The following LARGE1 variants were observed in gnomAD, a reference collection of about 807,000 sequenced individuals.
LARGE1 encodes the protein xylosyl- and glucuronyltransferase LARGE1.
A neutral mutation model predicts 87.6 loss-of-function variants in LARGE1; 43 were observed. The observed-to-expected ratio is 0.49, with a 90% CI of 0.38 to 0.63. The LOEUF (loss-of-function observed/expected upper bound fraction) is 0.63. Among genes scored for constraint, LARGE1 ranks in the 30% least tolerant of loss-of-function variants. The probability of loss-of-function intolerance (pLI) is 0.00; values close to 1 mark genes in which losing one functional copy is unlikely to be tolerated. For synonymous variants in LARGE1, 434 were observed against 394.6 expected (o/e 1.10, Z -1.18); for missense variants, 802 against 1,000.2 (o/e 0.80, Z 2.67).
chr22:33,302,475 G>A (rs1477168842), intron 12 of LARGE1, among the ~76,000 whole-genome samples: 8 of 152,170 alleles, frequency 5.3e-5, no homozygotes, highest in East Asian at 1.9e-4. Flanking sequence ...GGAAGGACAC[G>A]GACTCAGAAG....
intron 9 of LARGE1, among the ~76,000 whole-genome samples, chr22:33,356,678 G>A (rs1396043774): frequency 2.0e-5 from 3 of 152,192 alleles, no homozygotes; most frequent in African/African-American, 7.2e-5. Flanking sequence ...GCTGAGGCAG[G>A]AGAATTGCTT....
rs71187279 is a variant in LARGE1 at position 33,763,838 on chromosome 22, CTTTTTTTTTTTTTTTTT to C, written c.-82-2297_-82-2281del. Among the ~76,000 whole-genome samples the C allele has an allele frequency of 3.5e-4, 25 of 71,180 alleles. 1 individual carries two copies. Among genetic ancestry groups the C allele is most frequent in the African/African-American group, 1.0e-3 (17 of 16,676 alleles). The allele number at this position is 71,180 out of a possible 152,430, so 46.7% of individuals were successfully genotyped here. On this transcript the variant is annotated intron_variant, in intron 1 of 14. Transcript: ENST00000397394. Reference sequence around the variant, plus strand: ...CAGAAAAGCAGCCTTAATTAGTTTGCTTTTTTTTTTTTTTTTTTTTTTTTTTTTTTGAGACAGAGACT... The same window carrying C: ...CAGAAAAGCAGCCTTAATTAGTTTGCTTTTTTTTTTTTTGAGACAGAGACT...
chr22:33,104,417 G>A, the LARGE1 span, among the ~76,000 whole-genome samples: 1 of 152,206 alleles, frequency 6.6e-6, no homozygotes, highest in Non-Finnish European at 1.5e-5. Flanking sequence ...CTGCACTGAT[G>A]GTAAATGCTG....
intron 12 of LARGE1, among the ~76,000 whole-genome samples, chr22:33,291,263 G>A (rs770340770): frequency 2.0e-5 from 3 of 152,164 alleles, no homozygotes; most frequent in Non-Finnish European, 4.4e-5. Context: ...GTGAAGACCC[G>A]GGAGAAGAGA....
chr22:33,575,872 TC>T (rs2078337803), intron 5 of LARGE1, among the ~76,000 whole-genome samples: 1 of 152,200 alleles, frequency 6.6e-6, no homozygotes, highest in Admixed American at 6.5e-5. Flanking sequence ...GCAAGAAGCA[TC>T]CTCTATTTAG....
intron 1 of LARGE1, among the ~76,000 whole-genome samples, chr22:33,793,782 C>G (rs1421919070): frequency 2.2e-5 from 3 of 134,444 alleles, no homozygotes; most frequent in African/African-American, 8.0e-5. Context: ...GGCAAGCACC[C>G]CCCAACTTTT....
At chr22:33,104,889 C>CTCTCTCTCTTTCTT in the LARGE1 span, among the ~76,000 whole-genome samples, 11 of 89,146 alleles carry the variant, frequency 1.2e-4, no homozygotes, top group African/African-American at 3.7e-4. Context: ...GACTTTCTCT[C>CTCTCTCTCTTTCTT]TCTTTCTTTC....
chr22:33,605,883 C>T (rs1231008571), intron 4 of LARGE1, among the ~76,000 whole-genome samples: 1 of 152,054 alleles, frequency 6.6e-6, no homozygotes, highest in East Asian at 1.9e-4. Flanking sequence ...AGAGCAGCAG[C>T]CAATTCTGAC....
At chr22:33,905,025 A>C (rs1014879609) in intron 1 of LARGE1, among the ~76,000 whole-genome samples, 1 of 151,330 alleles carries the variant, frequency 6.6e-6, no homozygotes, top group East Asian at 1.9e-4. Flanking sequence ...CTGAGACAGA[A>C]TAGTACAGAG....
At chr22:33,348,289 C>CCCAA (rs1569081859) in intron 9 of LARGE1, among the ~76,000 whole-genome samples, 27 of 124,042 alleles carry the variant, frequency 2.2e-4, no homozygotes, top group East Asian at 2.7e-4. Flanking sequence ...CACCCCCCCC[C>CCCAA]AAAAAAAAAG....
chr22:33,863,918 G>A (rs1390978528), intron 1 of LARGE1, among the ~76,000 whole-genome samples: 1 of 152,210 alleles, frequency 6.6e-6, no homozygotes, highest in East Asian at 1.9e-4. Flanking sequence ...AGTTTCACTT[G>A]AAGGCAAAGT....
chr22:33,269,110 TATTTAA>T (rs1307484944), downstream of LARGE1, among the ~76,000 whole-genome samples: 1 of 152,120 alleles, frequency 6.6e-6, no homozygotes, highest in Non-Finnish European at 1.5e-5. Context: ...CACACTAAAG[TATTTAA>T]ATTTAAAGGG....
intron 6 of LARGE1, among the ~76,000 whole-genome samples, chr22:33,444,448 G>A (rs1196373825): frequency 6.6e-6 from 1 of 152,152 alleles, no homozygotes; most frequent in Non-Finnish European, 1.5e-5. Flanking sequence ...CTGGAGTGCA[G>A]TGGCATGATC....
intron 11 of LARGE1, among the ~76,000 whole-genome samples, chr22:33,239,987 G>A (rs922688869): frequency 6.6e-6 from 1 of 150,738 alleles, no homozygotes; most frequent in East Asian, 1.9e-4. Context: ...GTGAACATAT[G>A]TTTTCAGTTC....
Position 33,315,481 on chromosome 22 carries a change from C to A in LARGE1, c.1451+604G>T, listed in dbSNP as rs565146952. Among the ~76,000 whole-genome samples, 4 of 152,320 alleles carry A rather than the reference C, an allele frequency of 2.6e-5. 1 individual carries two copies. The South Asian group carries it at 8.3e-4, about 32-fold the overall frequency. On this transcript the variant is annotated intron_variant, in intron 11 of 14. Transcript: ENST00000397394. ...ATTGTAGCTCCAGTCTCCCCACTGT[C>A]CCTCTTCCTGAGGTAATTCGAGTCG...
chr22:33,305,844 C>CTTTTTTTTTT (rs111657762), intron 11 of LARGE1, among the ~76,000 whole-genome samples: 2 of 136,910 alleles, frequency 1.5e-5, no homozygotes, highest in African/African-American at 5.7e-5. Context: ...TTTTCTTTTT[C>CTTTTTTTTTT]TTTTTTTTTT....
intron 7 of LARGE1, among the ~76,000 whole-genome samples, chr22:33,399,955 A>G (rs1033561194): frequency 6.6e-6 from 1 of 152,224 alleles, no homozygotes; most frequent in East Asian, 1.9e-4. Context: ...GCTAATCACT[A>G]AATCACAGAA....
chr22:33,589,873 G>C (rs1256735004), intron 5 of LARGE1, among the ~76,000 whole-genome samples: 1 of 152,076 alleles, frequency 6.6e-6, no homozygotes, highest in African/African-American at 2.4e-5. Flanking sequence ...CAAGAAGTTT[G>C]AATTTCCCAT....
chr22:33,884,886 C>G (rs1008790993), intron 1 of LARGE1, among the ~76,000 whole-genome samples: 2 of 152,162 alleles, frequency 1.3e-5, no homozygotes, highest in African/African-American at 4.8e-5. Flanking sequence ...CACACAAAGG[C>G]GGAGTCACCC....
Sources: gnomAD v4.1 joint callset for allele counts (sites outside exome capture counted in the v4.1 genomes callset) on GRCh38, gnomAD v4.1.1 for gene constraint, MANE v1.5 for transcripts, NCBI Gene and HGNC (gene_info 2026-07-23, HGNC 2026-07-21) for gene names.